MIR2052HG: variants seen among roughly 807,000 people sequenced by gnomAD.
MIR2052HG encodes the protein MIR2052 host gene.
At chr8:74,631,318 C>G (rs1396508090) in intron 2 of MIR2052HG, among the ~76,000 whole-genome samples, 1 of 152,178 alleles carries the variant, frequency 6.6e-6, no homozygotes, top group African/African-American at 2.4e-5. Context: ...GAGATTATTG[C>G]TAGTTATAGC....
chr8:74,666,000 A>G (rs1256985834), intron 2 of MIR2052HG, among the ~76,000 whole-genome samples: 1 of 152,190 alleles, frequency 6.6e-6, no homozygotes, highest in Non-Finnish European at 1.5e-5. Context: ...GAGATCATTA[A>G]GCCTCTTTCC....
At chr8:74,632,389 C>T (rs1195255172) in intron 2 of MIR2052HG, 2 of 152,050 alleles carry the variant, frequency 1.3e-5, no homozygotes, top group South Asian at 4.1e-4. Flanking sequence ...ATAGTGGCCC[C>T]GCAGTTTCTT....
intron 4 of MIR2052HG, among the ~76,000 whole-genome samples, chr8:74,726,197 G>C (rs1287734908): frequency 2.0e-5 from 3 of 151,594 alleles, no homozygotes; most frequent in African/African-American, 4.8e-5. Flanking sequence ...CATCTCAAAA[G>C]AAAAAAAGAA....
At chr8:74,611,364 G>A (rs1175281762) in intron 1 of MIR2052HG, among the ~76,000 whole-genome samples, 2 of 152,022 alleles carry the variant, frequency 1.3e-5, no homozygotes, top group Admixed American at 1.3e-4. Flanking sequence ...ATATACTGTT[G>A]GTGGAAATAT....
intron 2 of MIR2052HG, among the ~76,000 whole-genome samples, chr8:74,614,611 C>G (rs1289469978): frequency 3.3e-5 from 5 of 152,008 alleles, no homozygotes; most frequent in Admixed American, 1.3e-4. Context: ...ATTGCTTTCC[C>G]CTTATAATAT....
Position 74,751,823 on chromosome 8 carries a change from G to A in MIR2052HG, n.372-618G>A, listed in dbSNP as rs76220289. On this transcript the variant is annotated intron_variant and non_coding_transcript_variant, in intron 4 of 6. Transcript: ENST00000523442. ...ATTGAGAAATGTGTAATCACTACTAGGTTAACATAGAAATACTGTATAAAC... is the reference window on the plus strand; with the variant it reads ...ATTGAGAAATGTGTAATCACTACTAAGTTAACATAGAAATACTGTATAAAC... 9.1e-3 allele frequency among the ~76,000 whole-genome samples: 1,387 copies of A among 152,258 alleles called. 46 individuals carry two copies. The highest frequency in any genetic ancestry group is 0.064 in the East Asian group (333 of 5,178).
intron 2 of MIR2052HG, among the ~76,000 whole-genome samples, chr8:74,683,942 T>G (rs1809152388): frequency 6.6e-6 from 1 of 152,066 alleles, no homozygotes; most frequent in African/African-American, 2.4e-5. Context: ...GGTGGTACCT[T>G]CTAAACTAGC....
chr8:74,737,974 TTATC>T (rs772885149), intron 4 of MIR2052HG, among the ~76,000 whole-genome samples: 31 of 151,868 alleles, frequency 2.0e-4, no homozygotes, highest in South Asian at 8.3e-4. Flanking sequence ...CTTTTATCTA[TTATC>T]TATGTATGTA....
intron 2 of MIR2052HG, among the ~76,000 whole-genome samples, chr8:74,654,233 T>G (rs1365010348): frequency 6.6e-6 from 1 of 152,132 alleles, no homozygotes; most frequent in Non-Finnish European, 1.5e-5. Flanking sequence ...AGTTTTGAGG[T>G]CTCAGTGGGC....
intron 2 of MIR2052HG, among the ~76,000 whole-genome samples, chr8:74,676,802 AAC>A (rs1186067526): frequency 1.3e-5 from 2 of 151,998 alleles, no homozygotes; most frequent in African/African-American, 4.8e-5. Flanking sequence ...GTGTACTTAC[AAC>A]ACACACATAC....
intron 4 of MIR2052HG, among the ~76,000 whole-genome samples, chr8:74,733,305 C>T (rs962559910): frequency 6.6e-6 from 1 of 151,982 alleles, no homozygotes; most frequent in Non-Finnish European, 1.5e-5. Flanking sequence ...TTATTCAATT[C>T]CCACCTATGA....
At chr8:74,715,342 T>C (rs1328981155) in intron 4 of MIR2052HG, among the ~76,000 whole-genome samples, 1 of 152,144 alleles carries the variant, frequency 6.6e-6, no homozygotes. Context: ...CCTAGGAAAT[T>C]TGGTTGAGTT....
At chr8:74,620,090 T>C (rs1386983409) in intron 2 of MIR2052HG, among the ~76,000 whole-genome samples, 1 of 152,206 alleles carries the variant, frequency 6.6e-6, no homozygotes, top group African/African-American at 2.4e-5. Context: ...TGAAATCCAA[T>C]AGAGCAGTCA....
chr8:74,695,725 T>C (rs1019347774), intron 2 of MIR2052HG, among the ~76,000 whole-genome samples: 1 of 152,056 alleles, frequency 6.6e-6, no homozygotes, highest in African/African-American at 2.4e-5. Context: ...AAAGATATTA[T>C]GTACTGATAA....
At chr8:74,717,750 A>G (rs1809534987) in intron 4 of MIR2052HG, among the ~76,000 whole-genome samples, 1 of 151,930 alleles carries the variant, frequency 6.6e-6, no homozygotes, top group African/African-American at 2.4e-5. Flanking sequence ...CAAGGTGGGA[A>G]TGAGCTACAA....
intron 4 of MIR2052HG, among the ~76,000 whole-genome samples, chr8:74,717,199 C>T (rs1016517596): frequency 3.9e-5 from 6 of 151,932 alleles, no homozygotes; most frequent in African/African-American, 1.5e-4. Flanking sequence ...TTGTTCCACT[C>T]CCTGTGTCCA....
At chr8:74,674,662 C>G (rs1426373059) in intron 2 of MIR2052HG, among the ~76,000 whole-genome samples, 1 of 151,832 alleles carries the variant, frequency 6.6e-6, no homozygotes, top group African/African-American at 2.4e-5. Flanking sequence ...TATTCTGAAT[C>G]TCTCTCCATC....
intron 1 of MIR2052HG, among the ~76,000 whole-genome samples, chr8:74,602,667 A>G (rs543689183): frequency 3.3e-5 from 5 of 151,130 alleles, no homozygotes; most frequent in Admixed American, 3.3e-4. Context: ...ACATGCCACC[A>G]TGCCTGGCTA....
chr8:74,600,150 C>G (rs566869875), intron 1 of MIR2052HG, among the ~76,000 whole-genome samples: 1 of 152,334 alleles, frequency 6.6e-6, no homozygotes, highest in South Asian at 2.1e-4. Flanking sequence ...TGAGATGAAC[C>G]TGGTACCTCA....
Sources: allele counts gnomAD v4.1 joint callset (sites outside exome capture counted in the v4.1 genomes callset), GRCh38; gene constraint gnomAD v4.1.1; transcripts MANE v1.5; gene names NCBI Gene and HGNC (gene_info 2026-07-23, HGNC 2026-07-21).